Variants in LRP1B observed in about 807,000 individuals in gnomAD.
LRP1B encodes the protein LDL receptor related protein 1B, also known as low-density lipoprotein receptor-related protein 1B.
A neutral mutation model predicts 556.6 loss-of-function variants in LRP1B; 217 were observed. The observed-to-expected ratio is 0.39, with a 90% CI of 0.35 to 0.44. The LOEUF (loss-of-function observed/expected upper bound fraction) is 0.44, where lower values mean the gene tolerates loss of function less well. Among genes scored for constraint, LRP1B ranks in the 20% least tolerant of loss-of-function variants. The pLI is 1.00. For missense variants in LRP1B, 5,053 were observed against 5,620.8 expected, an observed-to-expected ratio of 0.90 and a Z score of 3.23; for synonymous variants, 2,047 against 1,865.8, an observed-to-expected ratio of 1.10 and a Z score of -2.50.
intron 66 of LRP1B, among the ~76,000 whole-genome samples, chr2:140,418,692 G>A (rs867378355): frequency 7.2e-5 from 11 of 151,820 alleles, no homozygotes; most frequent in African/African-American, 2.7e-4. Context: ...AGATTATCTA[G>A]TTGCAGTAAA....
intron 43 of LRP1B, among the ~76,000 whole-genome samples, chr2:140,549,029 A>G (rs10496848): frequency 0.49 from 73,877 of 151,952 alleles, 18,346 homozygotes; most frequent in South Asian, 0.59. Flanking sequence ...TGCCACATTC[A>G]TTCTAAATTA....
At chr2:141,414,370 A>T (rs1322488990) in intron 3 of LRP1B, among the ~76,000 whole-genome samples, 2 of 58,742 alleles carry the variant, frequency 3.4e-5, no homozygotes, top group African/African-American at 9.6e-5. Flanking sequence ...GAAGAGCGGA[A>T]AGGAGGGAGG....
At chr2:142,117,407 T>C (rs1707310831) in intron 1 of LRP1B, among the ~76,000 whole-genome samples, 1 of 152,072 alleles carries the variant, frequency 6.6e-6, no homozygotes, top group Admixed American at 6.6e-5. Context: ...TCGAAATATC[T>C]AGTCATTATG....
At chr2:140,242,404 T>G (rs1018120928) in intron 87 of LRP1B, among the ~76,000 whole-genome samples, 1 of 151,174 alleles carries the variant, frequency 6.6e-6, no homozygotes, top group African/African-American at 2.4e-5. Flanking sequence ...CTCCTTGTTC[T>G]GCAAATAGTG....
intron 2 of LRP1B, among the ~76,000 whole-genome samples, chr2:141,691,947 A>T (rs1381475667): frequency 6.6e-6 from 1 of 151,984 alleles, no homozygotes; most frequent in Non-Finnish European, 1.5e-5. Flanking sequence ...CTTATAGTTG[A>T]TATCTCAGCA....
intron 2 of LRP1B, among the ~76,000 whole-genome samples, chr2:141,601,516 C>T (rs1687737410): frequency 1.3e-5 from 2 of 152,056 alleles, no homozygotes; most frequent in South Asian, 2.1e-4. Flanking sequence ...TAGGCCTTCA[C>T]CTTGATGTAT....
rs185868827 is a variant in LRP1B at position 140,573,826 on chromosome 2, C to T, written c.7194+24805G>A. On this transcript the variant is annotated intron_variant, in intron 43 of 90. Coordinates refer to ENST00000389484, the MANE Select transcript of LRP1B (RefSeq NM_018557.3). ...TTCCACTCCTGTGATTTTTCAAGAG[C>T]CATTACAACCTGGAGGATGTTGGCC... 2.8e-3 allele frequency among the ~76,000 whole-genome samples: 421 copies of T among 152,138 alleles called. 2 individuals carry two copies. Among genetic ancestry groups the T allele is most frequent in the African/African-American group, 9.6e-3 (400 of 41,534 alleles).
intron 1 of LRP1B, among the ~76,000 whole-genome samples, chr2:141,908,473 A>G (rs774982350): frequency 6.6e-6 from 1 of 152,054 alleles, no homozygotes; most frequent in Non-Finnish European, 1.5e-5. Context: ...AAAAAAACAG[A>G]GAAAAACCAT....
chr2:141,090,483 C>T (rs928318221), intron 7 of LRP1B, among the ~76,000 whole-genome samples: 1 of 152,142 alleles, frequency 6.6e-6, no homozygotes, highest in Non-Finnish European at 1.5e-5. Context: ...GAGCTAGAAC[C>T]GTGACAAGAT....
chr2:140,279,897 G>A (rs575699218), intron 84 of LRP1B, among the ~76,000 whole-genome samples: 6 of 151,920 alleles, frequency 3.9e-5, no homozygotes, highest in Admixed American at 3.3e-4. Flanking sequence ...AAACCATTTT[G>A]AAAGTAGCCT....
intron 1 of LRP1B, among the ~76,000 whole-genome samples, chr2:142,032,554 A>T (rs1280327082): frequency 6.6e-6 from 1 of 151,796 alleles, no homozygotes; most frequent in African/African-American, 2.4e-5. Flanking sequence ...AGCTAGTACA[A>T]ACCAATTTTA....
At chr2:140,357,238 C>A (rs1682267246) in intron 74 of LRP1B, among the ~76,000 whole-genome samples, 1 of 151,558 alleles carries the variant, frequency 6.6e-6, no homozygotes, top group African/African-American at 2.4e-5. Flanking sequence ...TAATTATTAT[C>A]GTTGTAACCC....
At chr2:140,514,803 T>C in intron 50 of LRP1B, 31 bp from the exon 51 acceptor site, 1 of 1,573,224 alleles carries the variant, frequency 6.4e-7, no homozygotes, top group African/African-American at 1.4e-5. Context: ...AAAAAAAAAA[T>C]AGTTTGAGAC....
intron 35 of LRP1B, among the ~76,000 whole-genome samples, chr2:140,719,640 A>G (rs1261938620): frequency 6.6e-6 from 1 of 152,058 alleles, no homozygotes; most frequent in Non-Finnish European, 1.5e-5. Flanking sequence ...AATTTTCTCA[A>G]TATAGTCACA....
intron 2 of LRP1B, among the ~76,000 whole-genome samples, chr2:141,544,672 T>C (rs996834911): frequency 6.6e-6 from 1 of 151,876 alleles, no homozygotes; most frequent in African/African-American, 2.4e-5. Context: ...ATTTTTTTAT[T>C]TCTTATTTTT....
chr2:141,536,873 T>C (rs775074179), intron 2 of LRP1B, among the ~76,000 whole-genome samples: 3 of 152,066 alleles, frequency 2.0e-5, no homozygotes, highest in Non-Finnish European at 4.4e-5. Flanking sequence ...TTAAAATATC[T>C]GTGCCAGAGA....
In LRP1B at chr2:141,074,826, C is replaced by A. The variant is rs545546021; in HGVS notation, c.1014-12553G>T. On this transcript the variant is annotated intron_variant, in intron 7 of 90. Transcript: ENST00000389484. ...TAGCTCACTGGAATTATATTTCAGG[C>A]CTAAATTACTAATCATAAATTATTA... 2.0e-5 allele frequency among the ~76,000 whole-genome samples: 3 copies of A among 152,004 alleles called. No homozygotes were observed. The South Asian group carries it at 6.2e-4, about 32-fold the overall frequency.
chr2:141,884,028 A>G (rs544102819), intron 1 of LRP1B, among the ~76,000 whole-genome samples: 1 of 152,308 alleles, frequency 6.6e-6, no homozygotes, highest in Admixed American at 6.5e-5. Flanking sequence ...TTAAACATTT[A>G]TATTTTGCAT....
intron 53 of LRP1B, among the ~76,000 whole-genome samples, chr2:140,505,662 A>G (rs1013272200): frequency 8.5e-5 from 13 of 152,208 alleles, no homozygotes; most frequent in African/African-American, 2.7e-4. Flanking sequence ...GTTATGATGT[A>G]GCCTTTAAAA....
Sources: gnomAD v4.1 joint callset for allele counts (sites outside exome capture counted in the v4.1 genomes callset) on GRCh38, gnomAD v4.1.1 for gene constraint, MANE v1.5 for transcripts, NCBI Gene and HGNC (gene_info 2026-07-23, HGNC 2026-07-21) for gene names.